The following CACNA1B variants were observed in gnomAD, a reference collection of about 807,000 sequenced individuals.
CACNA1B encodes the protein voltage-dependent N-type calcium channel subunit alpha-1B.
Under a neutral mutation model 247.2 loss-of-function variants are expected in CACNA1B, and 70 were observed. The observed-to-expected ratio is 0.28, with a 90% confidence interval of 0.23 to 0.35. The LOEUF (loss-of-function observed/expected upper bound fraction) is 0.35, where lower values mean the gene tolerates loss of function less well. Ranked by LOEUF, CACNA1B falls within the 10% of genes least tolerant of loss-of-function variation. CACNA1B has a pLI of 1.00. For synonymous variants in CACNA1B, 1,231 were observed against 1,294.4 expected (o/e 0.95, Z 1.05); for missense variants, 2,367 against 3,197.4 (o/e 0.74, Z 6.26).
At chr9:137,932,829 G>A (rs1957622985) in intron 6 of CACNA1B, among the ~76,000 whole-genome samples, 1 of 152,248 alleles carries the variant, frequency 6.6e-6, no homozygotes, top group Non-Finnish European at 1.5e-5. Context: ...AAATGATGCG[G>A]TTTGGGTAAC....
At chr9:138,025,812 G>C (rs1460506784) in intron 20 of CACNA1B, among the ~76,000 whole-genome samples, 1 of 152,074 alleles carries the variant, frequency 6.6e-6, no homozygotes, top group East Asian at 1.9e-4. Context: ...GAGATCTGCT[G>C]GTTACAAATA....
chr9:138,006,793 A>G lies in CACNA1B; in HGVS notation c.2001A>G (p.Ala667=), dbSNP rs1180342534. Residue 667 remains alanine (A), a synonymous_variant, in exon 16 of 47, where the codon GCA becomes GCG. Coordinates refer to ENST00000371372, the MANE Select transcript of CACNA1B (RefSeq NM_000718.4). Reference sequence around the variant, plus strand: ...TCCTGACGGGAGAGGACTGGAATGCAGTGATGTATCACGGGATCGAATCGC... The same window carrying G: ...TCCTGACGGGAGAGGACTGGAATGCGGTGATGTATCACGGGATCGAATCGC... ...FQILTGEDWN[A]VMYHGIESQG... 6.2e-7 allele frequency: 1 copy of G among 1,608,312 alleles called. No individual in the cohort carries two copies. Among genetic ancestry groups the G allele is most frequent in the African/African-American group, 1.3e-5 (1 of 74,808 alleles).
intron 20 of CACNA1B, among the ~76,000 whole-genome samples, chr9:138,036,634 C>T (rs1470614872): frequency 1.3e-5 from 2 of 152,126 alleles, no homozygotes; most frequent in African/African-American, 2.4e-5. Context: ...GCCAGTCATT[C>T]GTCTAAATTT....
intron 24 of CACNA1B, 92 bp downstream of exon 24, chr9:138,049,407 G>T: frequency 1.2e-6 from 1 of 814,894 alleles, no homozygotes. Context: ...CCCTCTTGTG[G>T]GCTTCCCTGG....
rs536301743 is a variant in CACNA1B at position 138,010,789 on chromosome 9, G to A, written c.2160+712G>A. Among the ~76,000 whole-genome samples, 3 of 152,296 alleles carry A rather than the reference G, an allele frequency of 2.0e-5. No individual in the cohort carries two copies. In the East Asian group the frequency reaches 5.8e-4, roughly 29 times the overall value. ...CCTGGACAGGTGTCTGCATGCACCT[G>A]TGCATGTCTAGGGGTCTGACACAGT... On this transcript the variant is annotated intron_variant, in intron 17 of 46. Coordinates refer to ENST00000371372, the MANE Select transcript of CACNA1B (RefSeq NM_000718.4). This position sits in a 1 kb window ranked among gnomAD's most constrained non-coding sequence, Gnocchi z 5.3.
chr9:138,070,970 G>C (rs1960112695), intron 32 of CACNA1B, among the ~76,000 whole-genome samples: 1 of 152,266 alleles, frequency 6.6e-6, no homozygotes, highest in Admixed American at 6.5e-5. Flanking sequence ...GGGGTGCCCA[G>C]CTGACACTCG....
chr9:138,120,888 G>A lies in CACNA1B; in HGVS notation c.6489+7G>A, dbSNP rs542910832. On this transcript the variant is annotated splice_region_variant and intron_variant, in intron 46 of 46. Transcript: ENST00000371372. ...GCCGGGACCCCACCCACAGGTAAGA[G>A]GAATAGGTGGAGAGGTCAGGGCCCA... 6.4e-6 allele frequency: 10 copies of A among 1,560,736 alleles called. No homozygotes were observed. The African/African-American group carries it at 1.1e-4, about 17-fold the overall frequency.
rs902900205 is a variant in CACNA1B at position 138,051,847 on chromosome 9, C to T, written c.3711-245C>T. On this transcript the variant is annotated intron_variant, in intron 24 of 46. Coordinates refer to ENST00000371372, the MANE Select transcript of CACNA1B (RefSeq NM_000718.4). This position sits in a 1 kb window ranked among gnomAD's most constrained non-coding sequence, Gnocchi z 4.3. ...AGGGGTGATGGTTCTTCTCCTTGTGCACCAGATGCTGCTGCCCTAGCCCCA... is the reference window on the plus strand; with the variant it reads ...AGGGGTGATGGTTCTTCTCCTTGTGTACCAGATGCTGCTGCCCTAGCCCCA... Among the ~76,000 whole-genome samples the T allele has an allele frequency of 2.0e-5, 3 of 152,138 alleles. No individual in the cohort carries two copies. The highest frequency in any genetic ancestry group is 4.8e-5 in the African/African-American group (2 of 41,430).
chr9:137,900,761 CTGTGTCTGTGTGTCCCTGTGTCCT>C, intron 3 of CACNA1B, among the ~76,000 whole-genome samples: 1 of 142,934 alleles, frequency 7.0e-6, no homozygotes, highest in Admixed American at 7.0e-5. Flanking sequence ...CTCTCTGTCC[CTGTGTCTGTGTGTCCCTGTGTCCT>C]TGTGTCTGTG....
chr9:138,093,843 G>T (rs1419107720), intron 36 of CACNA1B, among the ~76,000 whole-genome samples: 2 of 152,292 alleles, frequency 1.3e-5, no homozygotes, highest in East Asian at 3.9e-4. Flanking sequence ...TAAAATGGTG[G>T]TGTGGAAAAT....
Position 138,122,315 on chromosome 9 carries a change from G to T in CACNA1B, c.*316G>T. 1 of 408,830 alleles carries T rather than the reference G, an allele frequency of 2.4e-6. No individual in the cohort carries two copies. The highest frequency in any genetic ancestry group is 4.4e-6 in the Non-Finnish European group (1 of 224,742). 25.3% of individuals were successfully genotyped at this position (408,830 alleles called of 1,614,324 possible). Reference sequence around the variant, plus strand: ...TCCAAATCCCGTGTCCTGGGACTCAGCATCCAGCATGGGTGCTTGGAGCCG... The same window carrying T: ...TCCAAATCCCGTGTCCTGGGACTCATCATCCAGCATGGGTGCTTGGAGCCG... On this transcript the variant is annotated 3_prime_UTR_variant, in exon 47 of 47. Coordinates refer to ENST00000371372, the MANE Select transcript of CACNA1B (RefSeq NM_000718.4).
intron 20 of CACNA1B, among the ~76,000 whole-genome samples, chr9:138,029,999 C>T (rs1958969372): frequency 6.6e-6 from 1 of 152,084 alleles, no homozygotes; most frequent in African/African-American, 2.4e-5. Context: ...TTGGGATTTT[C>T]CAGAGAGTAT....
At chr9:137,909,053 C>T (rs9695569) in intron 3 of CACNA1B, among the ~76,000 whole-genome samples, 8,629 of 148,712 alleles carry the variant, frequency 0.058, 283 homozygotes, top group Non-Finnish European at 0.064. Flanking sequence ...TGCAATGGTG[C>T]AATCTCGGCT....
chr9:137,966,620 C>G (rs1380563158), intron 10 of CACNA1B, among the ~76,000 whole-genome samples: 2 of 148,502 alleles, frequency 1.3e-5, no homozygotes, highest in Admixed American at 1.3e-4. Context: ...CTCCCTGCAA[C>G]CTCTGCCTCC....
At chr9:137,936,394 G>C (rs924914574) in intron 6 of CACNA1B, among the ~76,000 whole-genome samples, 1 of 152,220 alleles carries the variant, frequency 6.6e-6, no homozygotes, top group African/African-American at 2.4e-5. Flanking sequence ...CCCTTTGTCT[G>C]ATGGGTAGAT....
chr9:137,905,980 A>G (rs1233796404), intron 3 of CACNA1B, among the ~76,000 whole-genome samples: 1 of 152,198 alleles, frequency 6.6e-6, no homozygotes, highest in African/African-American at 2.4e-5. Context: ...TTTTTCCTGA[A>G]AAATACTAGT....
rs553459125 is a variant in CACNA1B, at chr9:138,050,432, G to A, written c.3710+1117G>A. Among the ~76,000 whole-genome samples the A allele has an allele frequency of 2.0e-4, 30 of 152,344 alleles. 2 individuals carry two copies. In the East Asian group the frequency reaches 2.1e-3, roughly 11 times the overall value. On this transcript the variant is annotated intron_variant, in intron 24 of 46. Coordinates refer to ENST00000371372, the MANE Select transcript of CACNA1B (RefSeq NM_000718.4). The surrounding 1 kb of genome is among the most constrained non-coding windows in gnomAD (Gnocchi z 5.2). ...CCACAGCCCGAGGACCGGGGACATC[G>A]CGAGGCGCTCCCGGTGCAGCTCCTC...
intron 19 of CACNA1B, among the ~76,000 whole-genome samples, chr9:138,024,629 C>CATTATTATT (rs373825056): frequency 6.6e-6 from 1 of 151,842 alleles, no homozygotes; most frequent in Non-Finnish European, 1.5e-5. Flanking sequence ...TGCTGATGTG[C>CATTATTATT]ATTATTATTA....
At chr9:137,926,117 G>A (rs760443537) in intron 6 of CACNA1B, among the ~76,000 whole-genome samples, 13 of 140,902 alleles carry the variant, frequency 9.2e-5, no homozygotes, top group South Asian at 4.5e-4. Context: ...CGCCCAGGCT[G>A]GAGTATAGTG....
Sources: allele counts gnomAD v4.1 joint callset (sites outside exome capture counted in the v4.1 genomes callset), GRCh38; gene constraint gnomAD v4.1.1; non-coding constraint Gnocchi (gnomAD v3.1); transcripts MANE v1.5; gene names NCBI Gene and HGNC (gene_info 2026-07-23, HGNC 2026-07-21).